Variants in HPSE2 observed in about 807,000 individuals in gnomAD.
HPSE2 encodes the protein inactive heparanase-2.
Under a neutral mutation model 60.5 loss-of-function variants are expected in HPSE2, and 38 were observed. The ratio of observed to expected loss-of-function variants is 0.63; its 90% CI spans 0.48 to 0.82. The LOEUF (loss-of-function observed/expected upper bound fraction) is 0.82, where lower values mean the gene tolerates loss of function less well. Ranked by LOEUF, HPSE2 falls within the 40% of genes least tolerant of loss-of-function variation. The probability of loss-of-function intolerance (pLI) is 0.00; values close to 1 mark genes in which losing one functional copy is unlikely to be tolerated. For synonymous variants in HPSE2, 295 were observed against 293.2 expected, an observed-to-expected ratio of 1.01 and a Z score of -0.06; for missense variants, 713 against 740.4, an observed-to-expected ratio of 0.96 and a Z score of 0.43.
At chr10:98,561,442 G>T (rs1192381469) in intron 9 of HPSE2, among the ~76,000 whole-genome samples, 1 of 152,018 alleles carries the variant, frequency 6.6e-6, no homozygotes, top group Non-Finnish European at 1.5e-5. Context: ...AGAAAATTTT[G>T]TACAACTGTT....
intron 3 of HPSE2, among the ~76,000 whole-genome samples, chr10:98,864,437 A>G (rs901270877): frequency 1.3e-5 from 2 of 152,116 alleles, no homozygotes; most frequent in African/African-American, 4.8e-5. Flanking sequence ...TTTTTCACCA[A>G]CTTGAAGGCT....
At chr10:99,053,983 G>A (rs147136033) in intron 3 of HPSE2, among the ~76,000 whole-genome samples, 74 of 151,494 alleles carry the variant, frequency 4.9e-4, no homozygotes, top group African/African-American at 1.7e-3. Context: ...CAATCTGCCC[G>A]CCTCGGCCTC....
At position 99,232,523 on chromosome 10, in the gene HPSE2, AAG is replaced by A. The variant is rs1849690858; in HGVS notation, c.291-20_291-19del. ...GCTTGGAGCTGCAGAGGAAGAGAATAAGAGAGGAAAGGTTCCCAGGACAGGAC... is the reference window on the plus strand; with the variant it reads ...GCTTGGAGCTGCAGAGGAAGAGAATAAGAGGAAAGGTTCCCAGGACAGGAC... On this transcript the variant is annotated intron_variant, in intron 1 of 11. Coordinates refer to ENST00000370552, the MANE Select transcript of HPSE2 (RefSeq NM_021828.5). 1.3e-6 allele frequency: 2 copies of A among 1,550,240 alleles called. No homozygotes were observed. The highest frequency in any genetic ancestry group is 2.7e-5 in the African/African-American group (2 of 73,000).
At chr10:98,603,134 A>G (rs1945474998) in intron 9 of HPSE2, among the ~76,000 whole-genome samples, 2 of 152,200 alleles carry the variant, frequency 1.3e-5, no homozygotes, top group Admixed American at 1.3e-4. Context: ...TAGAGAGGTG[A>G]GGACACAGGG....
chr10:99,160,297 C>T (rs1846774921), intron 2 of HPSE2, among the ~76,000 whole-genome samples: 1 of 152,030 alleles, frequency 6.6e-6, no homozygotes, highest in African/African-American at 2.4e-5. Context: ...CAAAGACATA[C>T]AAATGGCTAA....
intron 3 of HPSE2, among the ~76,000 whole-genome samples, chr10:99,089,306 G>A (rs983892672): frequency 2.0e-5 from 3 of 152,134 alleles, no homozygotes; most frequent in Admixed American, 1.3e-4. Context: ...ATGGTTTCAG[G>A]TCTTAGATTT....
At chr10:99,225,525 A>C (rs1849444077) in intron 2 of HPSE2, among the ~76,000 whole-genome samples, 1 of 152,110 alleles carries the variant, frequency 6.6e-6, no homozygotes, top group South Asian at 2.1e-4. Context: ...TTACTTTATA[A>C]AACTTGCAAT....
Position 98,933,510 on chromosome 10 carries a change from T to C in HPSE2, c.611-189454A>G, listed in dbSNP as rs775712383. 4.2e-5 allele frequency among the ~76,000 whole-genome samples: 6 copies of C among 143,772 alleles called. 1 individual carries two copies. The highest frequency in any genetic ancestry group is 8.9e-5 in the Non-Finnish European group (6 of 67,184). 94.3% of individuals were successfully genotyped at this position (143,772 alleles called of 152,430 possible). A position where few individuals can be genotyped will look rare whatever the true frequency, so the allele number is the denominator to read the frequency against. ...TGAGTTCAAGTCCTGGATATCTTTG[T>C]TAATTTTCTGTCTCAATGATCTGTC... On this transcript the variant is annotated intron_variant, in intron 3 of 11. Transcript: ENST00000370552.
chr10:99,041,931 T>G (rs552952221), intron 3 of HPSE2, among the ~76,000 whole-genome samples: 16 of 152,216 alleles, frequency 1.1e-4, no homozygotes, highest in Non-Finnish European at 2.1e-4. Flanking sequence ...AAAAGACAGC[T>G]GGACAGTTTT....
chr10:98,868,576 C>T (rs962974305), intron 3 of HPSE2, among the ~76,000 whole-genome samples: 8 of 152,064 alleles, frequency 5.3e-5, no homozygotes, highest in Admixed American at 2.6e-4. Context: ...GTGATTATTA[C>T]GGATTGCATG....
At chr10:98,534,530 A>G (rs1943224206) in intron 9 of HPSE2, among the ~76,000 whole-genome samples, 1 of 151,944 alleles carries the variant, frequency 6.6e-6, no homozygotes, top group East Asian at 1.9e-4. Flanking sequence ...TCAGCCTCCC[A>G]AGTAGCTGAG....
chr10:98,757,458 G>A (rs1251037565), intron 3 of HPSE2, among the ~76,000 whole-genome samples: 1 of 151,972 alleles, frequency 6.6e-6, no homozygotes, highest in Non-Finnish European at 1.5e-5. Context: ...AAAGGCTCCT[G>A]GAATGGATAA....
At position 98,662,116 on chromosome 10, in the gene HPSE2, A is replaced by C. The variant is rs1043481884; in HGVS notation, c.1005-20176T>G. Reference sequence around the variant, plus strand: ...CACCATGTTGGCCAGGATGGTCTCGATCTCCTGACCTCATGATCTGCCCGC... The same window carrying C: ...CACCATGTTGGCCAGGATGGTCTCGCTCTCCTGACCTCATGATCTGCCCGC... On this transcript the variant is annotated intron_variant, in intron 6 of 11. Transcript: ENST00000370552. Among the ~76,000 whole-genome samples the C allele has an allele frequency of 1.3e-5, 2 of 152,134 alleles. 1 individual carries two copies. The highest frequency in any genetic ancestry group is 1.3e-4 in the Admixed American group (2 of 15,276).
At chr10:98,801,599 T>C (rs1950909258) in intron 3 of HPSE2, among the ~76,000 whole-genome samples, 1 of 152,016 alleles carries the variant, frequency 6.6e-6, no homozygotes, top group Non-Finnish European at 1.5e-5. Context: ...CCCATGTACA[T>C]TAGCCACAAA....
chr10:99,019,858 T>C (rs887502917), intron 3 of HPSE2, among the ~76,000 whole-genome samples: 6 of 151,922 alleles, frequency 3.9e-5, no homozygotes, highest in Admixed American at 6.6e-5. Flanking sequence ...ATTACGGGCA[T>C]GCACCACCAT....
chr10:98,989,481 C>G (rs1376167905), intron 3 of HPSE2, among the ~76,000 whole-genome samples: 1 of 144,764 alleles, frequency 6.9e-6, no homozygotes, highest in African/African-American at 2.6e-5. Context: ...GAACATCAAA[C>G]ACCGGGGACT....
intron 4 of HPSE2, among the ~76,000 whole-genome samples, chr10:98,731,156 C>A (rs374781783): frequency 6.6e-6 from 1 of 152,080 alleles, no homozygotes; most frequent in Non-Finnish European, 1.5e-5. Context: ...ATTAGAGGTG[C>A]ACACCTGTAA....
intron 3 of HPSE2, among the ~76,000 whole-genome samples, chr10:99,042,008 G>A (rs777691231): frequency 1.2e-4 from 18 of 152,116 alleles, no homozygotes; most frequent in Non-Finnish European, 2.1e-4. Flanking sequence ...ACCTTCACAT[G>A]TATAGTTTTT....
rs142269057 is a variant in HPSE2 at position 98,556,995 on chromosome 10, A to G, written c.1320+57909T>C. Among the ~76,000 whole-genome samples, 220 of 138,386 alleles carry G rather than the reference A, an allele frequency of 1.6e-3. 2 individuals carry two copies. The highest frequency in any genetic ancestry group is 8.8e-3 in the South Asian group (39 of 4,412). The allele number at this position is 138,386 out of a possible 152,430, so 90.8% of individuals were successfully genotyped here. A position where few individuals can be genotyped will look rare whatever the true frequency, so the allele number is the denominator to read the frequency against. ...GGCGGCTGAGGGGGCGTGGATCTCG[A>G]GGTCAGGAGATTGAGACCATCCTGG... is the stretch of plus-strand genomic sequence containing the variant. On this transcript the variant is annotated intron_variant, in intron 9 of 11. Transcript: ENST00000370552.
Sources: allele counts gnomAD v4.1 joint callset (sites outside exome capture counted in the v4.1 genomes callset), GRCh38; gene constraint gnomAD v4.1.1; transcripts MANE v1.5; gene names NCBI Gene and HGNC (gene_info 2026-07-23, HGNC 2026-07-21).